PLEKHA7: variants seen among roughly 807,000 people sequenced by gnomAD.
PLEKHA7 encodes pleckstrin homology domain containing A7.
In PLEKHA7, 104 loss-of-function variants were observed where a neutral mutation model predicts 170.0. The observed-to-expected ratio is 0.61, with a 90% confidence interval of 0.52 to 0.72. PLEKHA7 has a LOEUF of 0.72. Among genes scored for constraint, PLEKHA7 ranks in the 30% least tolerant of loss-of-function variants. PLEKHA7 has a pLI of 0.00. For missense variants in PLEKHA7, 1,615 were observed against 1,671.7 expected (o/e 0.97, Z 0.59); for synonymous variants, 648 against 660.8 (o/e 0.98, Z 0.30).
chr11:16,915,833 G>A lies in PLEKHA7; in HGVS notation c.222-44651C>T, dbSNP rs563249137. 7.8e-3 allele frequency among the ~76,000 whole-genome samples: 1,173 copies of A among 149,586 alleles called. 18 individuals are homozygous for A. The highest frequency in any genetic ancestry group is 0.027 in the African/African-American group (1,094 of 40,170). On this transcript the variant is annotated intron_variant, in intron 3 of 26. Coordinates refer to ENST00000531066, the MANE Select transcript of PLEKHA7 (RefSeq NM_001329630.2). ...TGCCGCAATAAACATACGTGTGCAT[G>A]TGTCTTTATAGCAGCATGATTTATA...
At chr11:16,982,041 T>C (rs188897198) in intron 3 of PLEKHA7, among the ~76,000 whole-genome samples, 1 of 152,196 alleles carries the variant, frequency 6.6e-6, no homozygotes, top group African/African-American at 2.4e-5. Context: ...ACACTCCATA[T>C]GCCAGCAGCG....
At chr11:16,953,953 G>A (rs761272849) in intron 3 of PLEKHA7, among the ~76,000 whole-genome samples, 1 of 152,060 alleles carries the variant, frequency 6.6e-6, no homozygotes. Context: ...TAGAAAGTTG[G>A]CTGACTGAAC....
chr11:16,805,563 G>A lies in PLEKHA7; in HGVS notation c.2008-2268C>T, dbSNP rs566458488. On this transcript the variant is annotated intron_variant, in intron 13 of 26. Coordinates refer to ENST00000531066, the MANE Select transcript of PLEKHA7 (RefSeq NM_001329630.2). ...TCCCAGCACTTTGGGAGGCCAAGGC[G>A]GGTGAATTATGAGGTCAGGAGTTCA... Among the ~76,000 whole-genome samples, 25 of 152,002 alleles carry A rather than the reference G, an allele frequency of 1.6e-4. No individual in the cohort carries two copies. In the South Asian group the frequency reaches 2.1e-3, roughly 13 times the overall value.
At chr11:16,792,543 A>G (rs1847934431) in intron 19 of PLEKHA7, among the ~76,000 whole-genome samples, 1 of 151,794 alleles carries the variant, frequency 6.6e-6, no homozygotes, top group Admixed American at 6.6e-5. Flanking sequence ...AAAAAAAAAA[A>G]AAAAGGCAAG....
At chr11:16,900,895 G>A (rs1857289932) in intron 3 of PLEKHA7, among the ~76,000 whole-genome samples, 2 of 151,448 alleles carry the variant, frequency 1.3e-5, no homozygotes, top group African/African-American at 4.9e-5. Context: ...ACCCAGGCTG[G>A]AGTGCAGTGG....
chr11:16,856,551 G>C (rs969096459), intron 4 of PLEKHA7, among the ~76,000 whole-genome samples: 2 of 152,014 alleles, frequency 1.3e-5, no homozygotes, highest in Non-Finnish European at 2.9e-5. Flanking sequence ...AATAAGCCTT[G>C]GGCCCCCAGT....
Position 16,913,241 on chromosome 11 carries a change from A to AT in PLEKHA7, c.222-42060dup, listed in dbSNP as rs528771896. Among the ~76,000 whole-genome samples, 31 of 151,352 alleles carry AT rather than the reference A, an allele frequency of 2.0e-4. 1 individual carries two copies. In the South Asian group the frequency reaches 5.7e-3, roughly 28 times the overall value. ...TGCAATTAGTCCCTGCTCCAGCCACATTTTTTTTTCCCCCAAAGAATGAAT... is the reference window on the plus strand; with the variant it reads ...TGCAATTAGTCCCTGCTCCAGCCACATTTTTTTTTTCCCCCAAAGAATGAAT... On this transcript the variant is annotated intron_variant, in intron 3 of 26. Transcript: ENST00000531066.
At chr11:16,816,079 G>T in intron 12 of PLEKHA7, 99 bp downstream of exon 12, 1 of 981,120 alleles carries the variant, frequency 1.0e-6, no homozygotes, top group Non-Finnish European at 1.6e-6. Flanking sequence ...CTAATATGGG[G>T]GTTAATAGCT....
intron 3 of PLEKHA7, among the ~76,000 whole-genome samples, chr11:16,977,066 A>T (rs1863115057): frequency 6.6e-6 from 1 of 152,166 alleles, no homozygotes; most frequent in South Asian, 2.1e-4. Context: ...CATCCCTCTC[A>T]CTACTAATCT....
At chr11:16,932,320 T>C (rs1205913279) in intron 3 of PLEKHA7, among the ~76,000 whole-genome samples, 2 of 145,450 alleles carry the variant, frequency 1.4e-5, no homozygotes, top group South Asian at 2.2e-4. Flanking sequence ...CTTTGTCACC[T>C]AGGCTGGATT....
intron 3 of PLEKHA7, among the ~76,000 whole-genome samples, chr11:17,011,929 G>A (rs1179413093): frequency 2.0e-5 from 3 of 147,968 alleles, no homozygotes; most frequent in Admixed American, 1.4e-4. Flanking sequence ...CAAGCCCTGA[G>A]GAGTCATCTT....
At chr11:16,962,004 T>C (rs558521051) in intron 3 of PLEKHA7, among the ~76,000 whole-genome samples, 2 of 152,302 alleles carry the variant, frequency 1.3e-5, no homozygotes, top group South Asian at 4.1e-4. Context: ...AGCAGGAGCC[T>C]ACGTTGCAAA....
intron 3 of PLEKHA7, among the ~76,000 whole-genome samples, chr11:16,958,926 GGGGTGGGTACAGGC>G (rs1565155632): frequency 6.6e-6 from 1 of 152,156 alleles, no homozygotes; most frequent in African/African-American, 2.4e-5. Context: ...TGTCAATGCT[GGGGTGGGTACAGGC>G]GGGTGGGGGG....
intron 3 of PLEKHA7, among the ~76,000 whole-genome samples, chr11:16,910,349 G>A (rs1415728909): frequency 6.6e-6 from 1 of 152,220 alleles, no homozygotes; most frequent in African/African-American, 2.4e-5. Flanking sequence ...GGAGTCCAAA[G>A]TCAGTGATCT....
At chr11:16,990,712 G>A (rs1007646469) in intron 3 of PLEKHA7, among the ~76,000 whole-genome samples, 5 of 152,096 alleles carry the variant, frequency 3.3e-5, no homozygotes, top group East Asian at 3.8e-4. Context: ...CCAAATACTC[G>A]TACTACCTAA....
chr11:16,832,536 T>G (rs1851198904), intron 9 of PLEKHA7, among the ~76,000 whole-genome samples: 1 of 152,244 alleles, frequency 6.6e-6, no homozygotes. Flanking sequence ...TATTTTATTC[T>G]GCCTCCAAAT....
chr11:16,987,480 G>C (rs1407316604), intron 3 of PLEKHA7, among the ~76,000 whole-genome samples: 1 of 152,182 alleles, frequency 6.6e-6, no homozygotes, highest in Non-Finnish European at 1.5e-5. Context: ...ACGCACCCTT[G>C]AGGCGTGGTG....
chr11:16,911,456 A>G (rs1027826450), intron 3 of PLEKHA7, among the ~76,000 whole-genome samples: 2 of 152,230 alleles, frequency 1.3e-5, no homozygotes, highest in Non-Finnish European at 2.9e-5. Context: ...GACTCAGGAC[A>G]TCAAGTCGTG....
In PLEKHA7 at chr11:17,014,193, A is replaced by C. The variant is rs200126779; in HGVS notation, c.95T>G (p.Leu32Arg). 2.9e-4 allele frequency: 463 copies of C among 1,590,926 alleles called. No individual in the cohort carries two copies. The highest frequency in any genetic ancestry group is 4.7e-4 in the South Asian group (42 of 88,746). ...DGRVFFINDQ[L>R]RCTTWLHPRT... ...CGGATGCAGCCAGGTCGTGCAGCGG[A>C]GCTGGTCACTGCGGGCAGAGAGGTG... The change falls in exon 2 of 27, where the codon CTC becomes CGC. Residue 32 changes from leucine to arginine, a missense_variant. Physicochemically the swap from Leu to Arg is moderately radical, Grantham distance 102. Coordinates refer to ENST00000531066, the MANE Select transcript of PLEKHA7 (RefSeq NM_001329630.2).
Sources: gnomAD v4.1 joint callset for allele counts (sites outside exome capture counted in the v4.1 genomes callset) on GRCh38, gnomAD v4.1.1 for gene constraint, MANE v1.5 for transcripts, NCBI Gene and HGNC (gene_info 2026-07-23, HGNC 2026-07-21) for gene names.